Variants in AGBL4 observed in about 807,000 individuals in gnomAD.
AGBL4 encodes the protein AGBL carboxypeptidase 4, also known as cytosolic carboxypeptidase 6.
Under a neutral mutation model 66.4 loss-of-function variants are expected in AGBL4, and 58 were observed. The ratio of observed to expected loss-of-function variants is 0.87; its 90% CI spans 0.71 to 1.09. AGBL4 has a LOEUF of 1.09. Ranked by LOEUF, AGBL4 falls within the 50% of genes least tolerant of loss-of-function variation. AGBL4 has a pLI of 0.00. For missense variants in AGBL4, 579 were observed against 631.0 expected (o/e 0.92, Z 0.88); for synonymous variants, 234 against 222.9 (o/e 1.05, Z -0.44).
chr1:49,150,170 T>C (rs909217728), intron 4 of AGBL4, among the ~76,000 whole-genome samples: 15 of 152,170 alleles, frequency 9.9e-5, no homozygotes, highest in Non-Finnish European at 1.5e-4. Flanking sequence ...AAAACATGTC[T>C]AGCTAGTGAC....
intron 3 of AGBL4, among the ~76,000 whole-genome samples, chr1:49,400,032 C>G (rs1170844314): frequency 1.3e-5 from 2 of 151,886 alleles, no homozygotes; most frequent in South Asian, 2.1e-4. Context: ...TATGGTGAAG[C>G]ATAGGTCACC....
chr1:48,678,709 G>T (rs1333897988), intron 6 of AGBL4, among the ~76,000 whole-genome samples: 2 of 152,214 alleles, frequency 1.3e-5, no homozygotes, highest in Non-Finnish European at 2.9e-5. Flanking sequence ...AATAACAAAG[G>T]TGGTAAATGT....
chr1:48,602,723 G>A (rs912929042), intron 9 of AGBL4, among the ~76,000 whole-genome samples: 2 of 149,820 alleles, frequency 1.3e-5, no homozygotes, highest in African/African-American at 4.9e-5. Context: ...AGCTGGAAGA[G>A]CGAAAACAGG....
intron 1 of AGBL4, among the ~76,000 whole-genome samples, chr1:50,001,765 A>AT (rs1239892644): frequency 1.3e-5 from 2 of 152,130 alleles, no homozygotes; most frequent in African/African-American, 4.8e-5. Flanking sequence ...AATCACATGG[A>AT]TTTTCCAAAG....
chr1:49,903,649 G>A (rs970443872), intron 1 of AGBL4, among the ~76,000 whole-genome samples: 3 of 152,084 alleles, frequency 2.0e-5, no homozygotes, highest in African/African-American at 7.2e-5. Context: ...AATAATAGAT[G>A]AAATATCTAT....
At chr1:49,542,274 C>G (rs1000239097) in intron 3 of AGBL4, among the ~76,000 whole-genome samples, 3 of 152,150 alleles carry the variant, frequency 2.0e-5, no homozygotes, top group Admixed American at 2.0e-4. Context: ...ATTGTGGAAG[C>G]TTTGTTCTTT....
Position 48,736,464 on chromosome 1 carries a change from A to T in AGBL4, c.635-73223T>A, listed in dbSNP as rs1480313317. On this transcript the variant is annotated intron_variant, in intron 6 of 13. Coordinates refer to ENST00000371839, the MANE Select transcript of AGBL4 (RefSeq NM_032785.4). The surrounding 1 kb of genome is among the most constrained non-coding windows in gnomAD (Gnocchi z 4.0). ...CTTCCCAGATGGACCTGAGAGGAATAAGAACACCAGCACCTGTTTAGTCCG... is the reference window on the plus strand; with the variant it reads ...CTTCCCAGATGGACCTGAGAGGAATTAGAACACCAGCACCTGTTTAGTCCG... The T allele has an allele frequency of 6.2e-7, 1 of 1,612,578 alleles. No individual in the cohort carries two copies. Among genetic ancestry groups the T allele is most frequent in the Non-Finnish European group, 8.5e-7 (1 of 1,178,850 alleles).
At chr1:49,277,281 G>A (rs1023015293) in intron 3 of AGBL4, among the ~76,000 whole-genome samples, 1 of 152,044 alleles carries the variant, frequency 6.6e-6, no homozygotes, top group African/African-American at 2.4e-5. Context: ...TTGATCAATT[G>A]TTATCCTTTA....
intron 1 of AGBL4, among the ~76,000 whole-genome samples, chr1:49,967,601 G>A (rs533277583): frequency 1.2e-4 from 18 of 151,996 alleles, no homozygotes; most frequent in African/African-American, 4.3e-4. Context: ...ACCATGCCAC[G>A]TGTATACCTA....
chr1:49,113,243 C>A (rs540737569), intron 4 of AGBL4, among the ~76,000 whole-genome samples: 1 of 152,140 alleles, frequency 6.6e-6, no homozygotes, highest in East Asian at 1.9e-4. Flanking sequence ...AGCCACCGCA[C>A]CCGGCCTTAA....
At chr1:49,506,553 C>T (rs1648707253) in intron 3 of AGBL4, among the ~76,000 whole-genome samples, 1 of 151,806 alleles carries the variant, frequency 6.6e-6, no homozygotes, top group Admixed American at 6.6e-5. Context: ...CTCTTTTTGC[C>T]TACCAGTATG....
chr1:49,461,921 A>G (rs2148699777), intron 3 of AGBL4, among the ~76,000 whole-genome samples: 1 of 151,920 alleles, frequency 6.6e-6, no homozygotes. Context: ...ACAATGCTGC[A>G]ATAAACATAC....
chr1:48,753,740 A>G (rs1400228033), intron 6 of AGBL4, among the ~76,000 whole-genome samples: 2 of 152,242 alleles, frequency 1.3e-5, no homozygotes, highest in East Asian at 1.9e-4. Flanking sequence ...CTGGCTTGCA[A>G]TAAGACTATC....
intron 3 of AGBL4, among the ~76,000 whole-genome samples, chr1:49,591,262 C>T (rs1349072363): frequency 6.6e-6 from 1 of 151,508 alleles, no homozygotes; most frequent in East Asian, 1.9e-4. Flanking sequence ...ATTGACAGAT[C>T]TTTAAGGAGA....
At chr1:49,578,071 T>C (rs1249524258) in intron 3 of AGBL4, among the ~76,000 whole-genome samples, 1 of 152,134 alleles carries the variant, frequency 6.6e-6, no homozygotes, top group Non-Finnish European at 1.5e-5. Context: ...GGAGGAACGC[T>C]GCCACCAGGA....
chr1:48,661,578 A>G (rs1323815124), intron 7 of AGBL4, among the ~76,000 whole-genome samples: 1 of 152,194 alleles, frequency 6.6e-6, no homozygotes, highest in South Asian at 2.1e-4. Flanking sequence ...AACGCCATTG[A>G]GTGTATGAAC....
At chr1:49,592,495 G>A (rs190554668) in intron 3 of AGBL4, among the ~76,000 whole-genome samples, 49 of 152,184 alleles carry the variant, frequency 3.2e-4, no homozygotes, top group Middle Eastern at 3.4e-3. Flanking sequence ...GCTTGAACCC[G>A]GAAGTGGAGT....
chr1:49,929,509 T>C (rs1320259284), intron 1 of AGBL4, among the ~76,000 whole-genome samples: 1 of 152,030 alleles, frequency 6.6e-6, no homozygotes, highest in African/African-American at 2.4e-5. Flanking sequence ...AAAACTGAAG[T>C]AAATAAGTAA....
intron 3 of AGBL4, among the ~76,000 whole-genome samples, chr1:49,382,136 T>C (rs922606907): frequency 2.6e-5 from 4 of 152,138 alleles, no homozygotes; most frequent in Non-Finnish European, 4.4e-5. Context: ...CACTGAGAAG[T>C]AAATTTCCAT....
Sources: gnomAD v4.1 joint callset for allele counts (sites outside exome capture counted in the v4.1 genomes callset) on GRCh38, gnomAD v4.1.1 for gene constraint, Gnocchi (gnomAD v3.1) non-coding constraint, MANE v1.5 for transcripts, NCBI Gene and HGNC (gene_info 2026-07-23, HGNC 2026-07-21) for gene names.